Variants in COP1 observed in about 807,000 individuals in gnomAD.
COP1 encodes the protein E3 ubiquitin-protein ligase COP1.
A neutral mutation model predicts 101.3 loss-of-function variants in COP1; 24 were observed. The ratio of observed to expected loss-of-function variants is 0.24; its 90% CI spans 0.17 to 0.33. COP1 has a LOEUF of 0.33. COP1 is among the 10% of genes least tolerant of loss of function. The pLI is 1.00. For synonymous variants in COP1, 347 were observed against 341.9 expected (o/e 1.01, Z -0.17); for missense variants, 663 against 906.2 (o/e 0.73, Z 3.45).
intron 5 of COP1, among the ~76,000 whole-genome samples, chr1:176,154,671 A>C (rs1384433972): frequency 1.3e-5 from 2 of 152,166 alleles, no homozygotes; most frequent in African/African-American, 2.4e-5. Flanking sequence ...ATCACGAAAA[A>C]TAACTAATGG....
chr1:176,012,158 G>A (rs1557919752), intron 15 of COP1, among the ~76,000 whole-genome samples: 1 of 152,200 alleles, frequency 6.6e-6, no homozygotes, highest in African/African-American at 2.4e-5. Context: ...AATAGCCACT[G>A]TACTTCAGCC....
At chr1:175,974,113 G>A (rs1164794395) in intron 18 of COP1, among the ~76,000 whole-genome samples, 2 of 152,130 alleles carry the variant, frequency 1.3e-5, no homozygotes, top group Admixed American at 1.3e-4. Flanking sequence ...AGATAAACAA[G>A]TCTAGAACTA....
chr1:176,018,128 A>C (rs1382054546), intron 15 of COP1, among the ~76,000 whole-genome samples: 1 of 152,184 alleles, frequency 6.6e-6, no homozygotes. Context: ...AACCTTAAAG[A>C]TGCACTAATG....
intron 18 of COP1, among the ~76,000 whole-genome samples, chr1:175,963,009 GA>G (rs1030646883): frequency 6.6e-6 from 1 of 151,626 alleles, no homozygotes; most frequent in Non-Finnish European, 1.5e-5. Context: ...TTAACATCTT[GA>G]AAAACATGAA....
intron 6 of COP1, among the ~76,000 whole-genome samples, chr1:176,148,662 T>C (rs1397437301): frequency 6.6e-6 from 1 of 152,124 alleles, no homozygotes. Context: ...AAAAACTATA[T>C]CCTACCTAAG....
In COP1 at chr1:176,102,268, C is replaced by T. The variant is rs188328109; in HGVS notation, c.1026+14356G>A. Among the ~76,000 whole-genome samples the T allele has an allele frequency of 2.2e-3, 339 of 152,184 alleles. 4 individuals are homozygous for T. Among genetic ancestry groups the T allele is most frequent in the African/African-American group, 8.0e-3 (332 of 41,524 alleles). The stretch of plus-strand genomic sequence containing the variant: ...GCTGAGAGTTATTTTTCCCTTTTTC[C>T]TTTTCGCCCAATAAATTACGTTTTC... On this transcript the variant is annotated intron_variant, in intron 9 of 19. Coordinates refer to ENST00000367669, the MANE Select transcript of COP1 (RefSeq NM_022457.7).
Position 176,170,011 on chromosome 1 carries a change from C to T in COP1, c.565+5899G>A, listed in dbSNP as rs530045986. 4.6e-5 allele frequency among the ~76,000 whole-genome samples: 7 copies of T among 152,360 alleles called. No homozygotes were observed. The East Asian group carries it at 1.3e-3, about 29-fold the overall frequency. On this transcript the variant is annotated intron_variant, in intron 3 of 19. Transcript: ENST00000367669. ...GAGTAGATTTCATCTCAAGAAACCACTTTCTTTGTTCATCCATAAGAAACA... is the reference window on the plus strand; with the variant it reads ...GAGTAGATTTCATCTCAAGAAACCATTTTCTTTGTTCATCCATAAGAAACA...
intron 3 of COP1, among the ~76,000 whole-genome samples, chr1:176,171,006 T>A (rs1695963273): frequency 1.3e-5 from 2 of 150,072 alleles, no homozygotes; most frequent in Admixed American, 1.3e-4. Context: ...GCGCCTGTAA[T>A]CCCAGCTACT....
At chr1:176,188,419 G>A (rs1698730412) in intron 1 of COP1, among the ~76,000 whole-genome samples, 1 of 152,086 alleles carries the variant, frequency 6.6e-6, no homozygotes, top group Admixed American at 6.5e-5. Flanking sequence ...TATACCAACA[G>A]TAGGTTAAGG....
Position 176,176,293 on chromosome 1 carries a change from C to G in COP1, c.468-286G>C, listed in dbSNP as rs114938765. On this transcript the variant is annotated intron_variant, in intron 2 of 19. Transcript: ENST00000367669. ...TTAAGTTTATGCAATTTAGATAGTT[C>G]ATAACAACACCAGAAAAGCTAATGC... Among the ~76,000 whole-genome samples the G allele has an allele frequency of 5.9e-3, 899 of 152,214 alleles. 12 individuals carry two copies. Among genetic ancestry groups the G allele is most frequent in the African/African-American group, 0.021 (862 of 41,508 alleles).
At chr1:176,147,986 G>GT (rs1325634868) in intron 6 of COP1, among the ~76,000 whole-genome samples, 5 of 151,886 alleles carry the variant, frequency 3.3e-5, no homozygotes, top group Admixed American at 6.6e-5. Context: ...CACAAGCTCC[G>GT]TAACAGGCAA....
At chr1:176,023,218 T>C (rs1264030974) in intron 15 of COP1, among the ~76,000 whole-genome samples, 2 of 152,162 alleles carry the variant, frequency 1.3e-5, no homozygotes, top group Non-Finnish European at 2.9e-5. Flanking sequence ...CAATAAGAAC[T>C]ACAACAGCCT....
intron 2 of COP1, among the ~76,000 whole-genome samples, chr1:176,182,662 G>T (rs1697947256): frequency 1.3e-5 from 2 of 152,074 alleles, no homozygotes; most frequent in Non-Finnish European, 2.9e-5. Flanking sequence ...AAAACATATG[G>T]TTTCCTATGG....
intron 19 of COP1, among the ~76,000 whole-genome samples, chr1:175,945,935 G>A (rs1406905305): frequency 6.6e-6 from 1 of 152,190 alleles, no homozygotes; most frequent in African/African-American, 2.4e-5. Flanking sequence ...AACATAAGAA[G>A]TCAATGATGC....
intron 8 of COP1, chr1:176,133,862 T>C (rs1689359324): frequency 6.6e-6 from 3 of 455,026 alleles, no homozygotes; most frequent in South Asian, 3.1e-5. Context: ...AAGTATTCCA[T>C]TGACAAAGAT....
chr1:176,088,905 G>A (rs569262918), intron 9 of COP1, among the ~76,000 whole-genome samples: 14 of 149,548 alleles, frequency 9.4e-5, no homozygotes, highest in African/African-American at 3.4e-4. Context: ...TGAGGCAGGA[G>A]AATCACTTGA....
intron 15 of COP1, among the ~76,000 whole-genome samples, chr1:176,000,213 C>G (rs1231745673): frequency 6.6e-6 from 1 of 152,014 alleles, no homozygotes; most frequent in African/African-American, 2.4e-5. Context: ...CCAGTGTTTT[C>G]TTGTAGTAGT....
At chr1:176,019,003 T>A (rs1225974447) in intron 15 of COP1, among the ~76,000 whole-genome samples, 1 of 148,822 alleles carries the variant, frequency 6.7e-6, no homozygotes, top group Non-Finnish European at 1.5e-5. Flanking sequence ...CTGTCCCTAC[T>A]ACAAATAAAA....
chr1:176,021,893 T>G (rs1020974595), intron 15 of COP1, among the ~76,000 whole-genome samples: 16 of 152,326 alleles, frequency 1.1e-4, no homozygotes, highest in African/African-American at 3.8e-4. Context: ...ACAACGTGGA[T>G]TTCTCTAGCT....
Sources: gnomAD v4.1 joint callset for allele counts (sites outside exome capture counted in the v4.1 genomes callset) on GRCh38, gnomAD v4.1.1 for gene constraint, MANE v1.5 for transcripts, NCBI Gene and HGNC (gene_info 2026-07-23, HGNC 2026-07-21) for gene names.